Variants in CCDC102B observed in about 807,000 individuals in gnomAD.
CCDC102B encodes the protein coiled-coil domain containing 102B.
A neutral mutation model predicts 57.4 loss-of-function variants in CCDC102B; 75 were observed. The ratio of observed to expected loss-of-function variants is 1.31; its 90% CI spans 1.08 to 1.58. CCDC102B has a LOEUF of 1.58. Ranked by LOEUF, CCDC102B falls within the 40% of genes most tolerant of loss-of-function variation. CCDC102B has a pLI of 0.00. For synonymous variants in CCDC102B, 206 were observed against 201.9 expected (o/e 1.02, Z -0.17); for missense variants, 636 against 582.6 (o/e 1.09, Z -0.94).
intron 2 of CCDC102B, among the ~76,000 whole-genome samples, chr18:68,731,050 G>A (rs921678196): frequency 1.3e-5 from 2 of 152,036 alleles, no homozygotes; most frequent in Non-Finnish European, 2.9e-5. Flanking sequence ...GCAATGGCGC[G>A]ATCTTGGCTC....
rs186790773 is a variant in CCDC102B, at chr18:68,996,006, T to G, written c.1264-14928T>G. On this transcript the variant is annotated intron_variant, in intron 6 of 7. Transcript: ENST00000360242. ...CTGGATGTGAGACATAGAGTCAAAG[T>G]TGATTATTTAGGAGCTTTAAGATTT... Among the ~76,000 whole-genome samples the G allele has an allele frequency of 1.1e-4, 17 of 152,288 alleles. 1 individual carries two copies. Among genetic ancestry groups the G allele is most frequent in the Admixed American group, 1.0e-3 (16 of 15,300 alleles).
chr18:68,836,811 C>T lies in CCDC102B; in HGVS notation c.48C>T (p.Phe16=). The T allele has an allele frequency of 6.2e-7, 1 of 1,613,750 alleles. No individual in the cohort carries two copies. The highest frequency in any genetic ancestry group is 8.5e-7 in the Non-Finnish European group (1 of 1,179,816). Residue 16 remains phenylalanine, a synonymous_variant, in exon 2 of 8, where the codon TTC becomes TTT. Coordinates refer to ENST00000360242, the MANE Select transcript of CCDC102B (RefSeq NM_024781.3). ...GATTAATTGAGGAAACACAGATCTT[C>T]CAGATGCAACAATCATCAATTAAGT... ...IHRLIEETQI[F]QMQQSSIKSR...
At chr18:68,941,981 T>C (rs2049391580) in intron 6 of CCDC102B, among the ~76,000 whole-genome samples, 1 of 152,080 alleles carries the variant, frequency 6.6e-6, no homozygotes. Flanking sequence ...ATTGTCTGCC[T>C]CTTGCCAAAG....
chr18:68,961,804 G>A (rs1028965602), intron 6 of CCDC102B, among the ~76,000 whole-genome samples: 3 of 152,020 alleles, frequency 2.0e-5, no homozygotes, highest in Admixed American at 2.0e-4. Context: ...AGAAATATAA[G>A]TTCTCCAAAA....
intron 2 of CCDC102B, among the ~76,000 whole-genome samples, chr18:68,757,065 C>T (rs1044990569): frequency 1.3e-5 from 2 of 152,116 alleles, no homozygotes; most frequent in Admixed American, 6.6e-5. Flanking sequence ...ATGTGCCCCG[C>T]CTCCATCAGA....
At chr18:68,889,632 T>C (rs562922041) in intron 5 of CCDC102B, among the ~76,000 whole-genome samples, 36 of 152,166 alleles carry the variant, frequency 2.4e-4, no homozygotes, top group Admixed American at 3.9e-4. Flanking sequence ...TAGAGATCAG[T>C]TTCTCCATGT....
At chr18:68,754,220 A>T (rs2033964613) in intron 2 of CCDC102B, 1 of 152,208 alleles carries the variant, frequency 6.6e-6, no homozygotes, top group Non-Finnish European at 1.5e-5. Flanking sequence ...AACACAAATA[A>T]TTCCCTCTCT....
At chr18:68,994,768 T>C (rs2050975948) in intron 6 of CCDC102B, among the ~76,000 whole-genome samples, 2 of 152,226 alleles carry the variant, frequency 1.3e-5, no homozygotes, top group African/African-American at 4.8e-5. Context: ...TAAAACTCTT[T>C]CCTTTGTAAA....
chr18:68,897,413 G>A lies in CCDC102B; in HGVS notation c.1248G>A (p.Leu416=). Residue 416 remains leucine (L), a synonymous_variant, in exon 6 of 8, where the codon CTG becomes CTA. Coordinates refer to ENST00000360242, the MANE Select transcript of CCDC102B (RefSeq NM_024781.3). ...SPDFKMSQID[L]QEKNQELLNL... ...ATTTCAAGATGTCACAAATTGATCT[G>A]CAAGAAAAAAACCAGGTATGGGTGC... is the stretch of plus-strand genomic sequence containing the variant. The A allele has an allele frequency of 6.2e-7, 1 of 1,609,978 alleles. No individual in the cohort carries two copies.
chr18:68,985,452 AG>A (rs1294762113), intron 6 of CCDC102B, among the ~76,000 whole-genome samples: 5 of 152,134 alleles, frequency 3.3e-5, no homozygotes, highest in African/African-American at 1.2e-4. Context: ...CTATGAACAG[AG>A]GGTATTTAAT....
intron 1 of CCDC102B, among the ~76,000 whole-genome samples, chr18:68,715,972 ACGT>A (rs1383210899): frequency 6.6e-6 from 1 of 152,176 alleles, no homozygotes; most frequent in Non-Finnish European, 1.5e-5. Context: ...ATGTCATAAA[ACGT>A]CGTTATTCCT....
chr18:69,035,563 G>A (rs1281966618), intron 7 of CCDC102B, among the ~76,000 whole-genome samples: 2 of 152,080 alleles, frequency 1.3e-5, no homozygotes, highest in African/African-American at 4.8e-5. Flanking sequence ...TGAAATACAT[G>A]TAGAATCATG....
chr18:69,048,212 G>GTT (rs1431883520), intron 7 of CCDC102B, among the ~76,000 whole-genome samples: 1 of 151,410 alleles, frequency 6.6e-6, no homozygotes, highest in African/African-American at 2.4e-5. Flanking sequence ...AAATAAGTGT[G>GTT]TGTGTGTGTG....
At chr18:68,829,314 TAC>T (rs2037048382) in intron 1 of CCDC102B, among the ~76,000 whole-genome samples, 1 of 151,978 alleles carries the variant, frequency 6.6e-6, no homozygotes, top group African/African-American at 2.4e-5. Context: ...TATTTGGATA[TAC>T]GCACAGGTAT....
At chr18:68,974,087 A>T (rs929783895) in intron 6 of CCDC102B, among the ~76,000 whole-genome samples, 5 of 152,104 alleles carry the variant, frequency 3.3e-5, no homozygotes, top group South Asian at 2.1e-4. Context: ...TGATTTAATT[A>T]CTTTCTCTGG....
At chr18:68,918,036 C>T (rs1425117761) in intron 6 of CCDC102B, among the ~76,000 whole-genome samples, 1 of 152,072 alleles carries the variant, frequency 6.6e-6, no homozygotes, top group Non-Finnish European at 1.5e-5. Context: ...TGCAAACATG[C>T]ACAGCCACAT....
intron 2 of CCDC102B, among the ~76,000 whole-genome samples, chr18:68,752,060 G>T (rs1203650361): frequency 1.3e-5 from 2 of 152,126 alleles, no homozygotes; most frequent in Non-Finnish European, 2.9e-5. Flanking sequence ...AGGAGTTTGA[G>T]ACCAGCCTGA....
At chr18:68,800,940 G>A (rs931542648) in intron 1 of CCDC102B, among the ~76,000 whole-genome samples, 13 of 151,606 alleles carry the variant, frequency 8.6e-5, no homozygotes, top group African/African-American at 3.1e-4. Flanking sequence ...CTAGTATCTG[G>A]GATAACATTC....
intron 5 of CCDC102B, among the ~76,000 whole-genome samples, chr18:68,890,332 C>T (rs750071445): frequency 1.2e-4 from 19 of 152,022 alleles, no homozygotes; most frequent in Non-Finnish European, 2.6e-4. Flanking sequence ...ACCTTCTGGG[C>T]TCAAGTGATC....
Sources: allele counts gnomAD v4.1 joint callset (sites outside exome capture counted in the v4.1 genomes callset), GRCh38; gene constraint gnomAD v4.1.1; transcripts MANE v1.5; gene names NCBI Gene and HGNC (gene_info 2026-07-23, HGNC 2026-07-21).